Variants in KIF18B observed in about 807,000 individuals in gnomAD.
The protein encoded by KIF18B is kinesin family member 18B.
A neutral mutation model predicts 80.9 loss-of-function variants in KIF18B; 49 were observed. That is an observed-to-expected ratio of 0.61 (90% CI 0.48 to 0.77). The LOEUF (loss-of-function observed/expected upper bound fraction) is 0.77. Ranked by LOEUF, KIF18B falls within the 30% of genes least tolerant of loss-of-function variation. The probability of loss-of-function intolerance (pLI) is 0.00; values close to 1 mark genes in which losing one functional copy is unlikely to be tolerated. For synonymous variants in KIF18B, 439 were observed against 463.9 expected (o/e 0.95, Z 0.69); for missense variants, 994 against 1,127.7 (o/e 0.88, Z 1.70).
chr17:44,935,207 C>T (rs1567793887), intron 3 of KIF18B, 52 bp downstream of exon 3: 4 of 1,515,872 alleles, frequency 2.6e-6, no homozygotes, highest in Middle Eastern at 3.7e-4. Flanking sequence ...CCCATGGGCT[C>T]ACTTCCCCCC....
intron 1 of KIF18B, among the ~76,000 whole-genome samples, chr17:44,945,080 G>A (rs547535232): frequency 6.6e-6 from 1 of 152,156 alleles, no homozygotes; most frequent in Admixed American, 6.5e-5. Flanking sequence ...TTTATTTATT[G>A]AGACAGTTTC....
intron 1 of KIF18B, among the ~76,000 whole-genome samples, chr17:44,938,654 T>G (rs1225591175): frequency 6.6e-6 from 1 of 152,246 alleles, no homozygotes; most frequent in Non-Finnish European, 1.5e-5. Context: ...TTCTTTCTAA[T>G]TGGTAAGCAA....
chr17:44,945,281 G>A (rs577182224), intron 1 of KIF18B, among the ~76,000 whole-genome samples: 1 of 152,082 alleles, frequency 6.6e-6, no homozygotes, highest in Non-Finnish European at 1.5e-5. Flanking sequence ...GGCTGGTCTT[G>A]AACTCCTGGG....
chr17:44,936,125 G>A lies in KIF18B; in HGVS notation c.220C>T (p.Arg74Trp), dbSNP rs2082884027. The change falls in exon 2 of 16, where the codon CGG (arginine) becomes TGG (tryptophan). Residue 74 changes from arginine (R) to tryptophan (W), a missense_variant. By Grantham distance (101) the Arg-to-Trp change is moderately radical. Coordinates refer to ENST00000593135, the MANE Select transcript of KIF18B (RefSeq NM_001265577.2). ...TGGGTGGCCGCCTCGCCAAAGACCCGGTCAAAGACAAACGTCAGGTCTTTG... is the reference window on the plus strand; with the variant it reads ...TGGGTGGCCGCCTCGCCAAAGACCCAGTCAAAGACAAACGTCAGGTCTTTG... The part of the protein sequence containing the change: ...KGKDLTFVFD[R>W]VFGEAATQQD... 19 of 1,613,806 alleles carry A rather than the reference G, an allele frequency of 1.2e-5. No individual in the cohort carries two copies. The highest frequency in any genetic ancestry group is 1.7e-5 in the Admixed American group (1 of 60,020).
chr17:44,943,457 T>C (rs2052457144), intron 1 of KIF18B, among the ~76,000 whole-genome samples: 1 of 152,132 alleles, frequency 6.6e-6, no homozygotes, highest in South Asian at 2.1e-4. Context: ...GCGTTGTTAG[T>C]TTCTTTCTAA....
Position 44,928,954 on chromosome 17 carries a change from G to A in KIF18B, c.1588C>T (p.Pro530Ser), listed in dbSNP as rs2052090634. ...GTCTCAAACTCTGTGATCATGTCGG[G>A]CGTCAGGAGGTTGGCTGCTTGGAGC... Reference protein sequence around the residue: ...SLLQAANLLTPDMITEFETLQ... With the variant: ...SLLQAANLLTSDMITEFETLQ... Residue 530 changes from proline (P) to serine (S), a missense_variant, in exon 12 of 16, where the codon CCC (proline) becomes TCC (serine). Coordinates refer to ENST00000593135, the MANE Select transcript of KIF18B (RefSeq NM_001265577.2). The A allele has an allele frequency of 6.2e-7, 1 of 1,613,990 alleles. No individual in the cohort carries two copies.
At position 44,934,871 on chromosome 17, in the gene KIF18B, G is replaced by C; in HGVS notation, c.536C>G (p.Pro179Arg). The change falls in exon 4 of 16, where the codon CCC (proline) becomes CGC (arginine). Residue 179 changes from proline (P) to arginine (R), a missense_variant. Physicochemically the swap from Pro to Arg is moderately radical, Grantham distance 103 (BLOSUM62 -2). Transcript: ENST00000593135. The surrounding 1 kb of genome is among the most constrained non-coding windows in gnomAD (Gnocchi z 5.4). ...TCCTTGCACCACCACCCCCTTGTCG[G>C]GGTCCTCGCGGATGGCAAGGGGCCC... Reference protein sequence around the residue: ...PKGPLAIREDPDKGVVVQGLS... With the variant: ...PKGPLAIREDRDKGVVVQGLS... 1 of 1,551,376 alleles carries C rather than the reference G, an allele frequency of 6.4e-7. No individual in the cohort carries two copies. The highest frequency in any genetic ancestry group is 8.7e-7 in the Non-Finnish European group (1 of 1,146,512).
intron 1 of KIF18B, among the ~76,000 whole-genome samples, chr17:44,944,734 T>A (rs1341613085): frequency 6.6e-6 from 1 of 152,262 alleles, no homozygotes; most frequent in Non-Finnish European, 1.5e-5. Context: ...CAGTTTCCTC[T>A]ATGGAAAATT....
Position 44,943,892 on chromosome 17 carries a change from T to C in KIF18B, c.-15+3736A>G, listed in dbSNP as rs1190876024. Among the ~76,000 whole-genome samples the C allele has an allele frequency of 3.9e-5, 6 of 152,226 alleles. No individual in the cohort carries two copies. The South Asian group carries it at 1.0e-3, about 26-fold the overall frequency. On this transcript the variant is annotated intron_variant, in intron 1 of 15. Transcript: ENST00000593135. ...CCACCATCCCTGGCTAATTTTTAAT[T>C]TTTTTGTAGAAATGATGTCTCACTA...
intron 1 of KIF18B, among the ~76,000 whole-genome samples, chr17:44,937,462 C>T (rs958477983): frequency 6.6e-6 from 1 of 152,040 alleles, no homozygotes; most frequent in Non-Finnish European, 1.5e-5. Context: ...TCAGTTAGTT[C>T]TGTAATTGTC....
At position 44,924,855 on chromosome 17, in the gene KIF18B, C is replaced by T. The variant is rs1028968878; in HGVS notation, c.*1225G>A. On this transcript the variant is annotated 3_prime_UTR_variant, in exon 16 of 16. Transcript: ENST00000593135. The stretch of plus-strand genomic sequence containing the variant: ...AGCATTAAGCCTGAATTCCCCTTTA[C>T]ACTTTATTTTACACTGAACGTGTAT... 4 of 133,980 alleles carry T rather than the reference C, an allele frequency of 3.0e-5. No individual in the cohort carries two copies. Among genetic ancestry groups the T allele is most frequent in the African/African-American group, 1.2e-4 (4 of 34,484 alleles). The allele number at this position is 133,980 out of a possible 1,614,324, so 8.3% of individuals were successfully genotyped here.
intron 1 of KIF18B, among the ~76,000 whole-genome samples, chr17:44,947,180 T>C (rs1298001688): frequency 6.7e-6 from 1 of 149,552 alleles, no homozygotes; most frequent in Non-Finnish European, 1.5e-5. Flanking sequence ...CGTGCAGCTC[T>C]GCAATCAGTT....
chr17:44,932,838 AG>A, intron 8 of KIF18B, 65 bp from the exon 9 acceptor site: 1 of 1,560,768 alleles, frequency 6.4e-7, no homozygotes, highest in Non-Finnish European at 8.8e-7. Context: ...GGGCAGACAG[AG>A]CCCCCGCCAC....
rs758228661 is a variant in KIF18B at position 44,935,291 on chromosome 17, TCTC to T, written c.436_438del (p.Glu146del). ...TAGCTGATGAGCACCTCGAAGTGCT[TCTC>T]CTGCTGGCGGGCCTCCAGGCGCCTG... On this transcript the variant is annotated inframe_deletion, in exon 3 of 16. Coordinates refer to ENST00000593135, the MANE Select transcript of KIF18B (RefSeq NM_001265577.2). 2 of 1,610,716 alleles carry T rather than the reference TCTC, an allele frequency of 1.2e-6. No individual in the cohort carries two copies. The highest frequency in any genetic ancestry group is 1.7e-5 in the Admixed American group (1 of 59,786).
At chr17:44,935,606 G>A (rs1597886704) in intron 2 of KIF18B, among the ~76,000 whole-genome samples, 190 bp from the exon 3 acceptor site, 1 of 152,196 alleles carries the variant, frequency 6.6e-6, no homozygotes, top group African/African-American at 2.4e-5. Context: ...CCATAGGCCA[G>A]TGGATTTGGG....
chr17:44,933,833 A>C, intron 7 of KIF18B, 90 bp downstream of exon 7: 1 of 1,255,150 alleles, frequency 8.0e-7, no homozygotes, highest in Non-Finnish European at 1.1e-6. Flanking sequence ...CACTTGGCCC[A>C]GGGATCTATT....
At chr17:44,929,674 G>T (rs914154476) in intron 11 of KIF18B, among the ~76,000 whole-genome samples, 38 of 152,182 alleles carry the variant, frequency 2.5e-4, no homozygotes, top group African/African-American at 8.7e-4. Flanking sequence ...ATTGTTTCCT[G>T]TAAAATGGAA....
At chr17:44,946,051 C>G (rs1434076005) in intron 1 of KIF18B, among the ~76,000 whole-genome samples, 1 of 144,362 alleles carries the variant, frequency 6.9e-6, no homozygotes, top group Non-Finnish European at 1.5e-5. Flanking sequence ...GAGAACTTGT[C>G]TCTACTTCCA....
chr17:44,925,920 G>C lies in KIF18B; in HGVS notation c.*160C>G. On this transcript the variant is annotated 3_prime_UTR_variant, in exon 16 of 16. Coordinates refer to ENST00000593135, the MANE Select transcript of KIF18B (RefSeq NM_001265577.2). ...AGGGTGAGTAGCAGGATGGATGTCT[G>C]GGGAGGGATGTTAATACAGCAAAGG... 1 of 689,352 alleles carries C rather than the reference G, an allele frequency of 1.5e-6. No individual in the cohort carries two copies. Among genetic ancestry groups the C allele is most frequent in the Non-Finnish European group, 2.6e-6 (1 of 392,038 alleles). 42.7% of individuals were successfully genotyped at this position (689,352 alleles called of 1,614,324 possible). A position where few individuals can be genotyped will look rare whatever the true frequency, so the allele number is the denominator to read the frequency against.
Sources: allele counts gnomAD v4.1 joint callset (sites outside exome capture counted in the v4.1 genomes callset), GRCh38; gene constraint gnomAD v4.1.1; non-coding constraint Gnocchi (gnomAD v3.1); transcripts MANE v1.5; gene names NCBI Gene and HGNC (gene_info 2026-07-23, HGNC 2026-07-21).